Variants in P2RX7 observed in about 807,000 individuals in gnomAD.
P2RX7 encodes the protein P2X purinoceptor 7.
A neutral mutation model predicts 71.6 loss-of-function variants in P2RX7; 62 were observed. The ratio of observed to expected loss-of-function variants is 0.87; its 90% CI spans 0.71 to 1.07. The LOEUF (loss-of-function observed/expected upper bound fraction) is 1.07. Ranked by LOEUF, P2RX7 falls within the 50% of genes least tolerant of loss-of-function variation. The probability of loss-of-function intolerance (pLI) is 0.00; values close to 1 mark genes in which losing one functional copy is unlikely to be tolerated. For missense variants in P2RX7, 686 were observed against 748.5 expected, an observed-to-expected ratio of 0.92 and a Z score of 0.97; for synonymous variants, 299 against 283.3, an observed-to-expected ratio of 1.06 and a Z score of -0.56.
intron 12 of P2RX7, among the ~76,000 whole-genome samples, chr12:121,181,181 G>A (rs563308776): frequency 2.0e-5 from 3 of 152,208 alleles, no homozygotes; most frequent in South Asian, 2.1e-4. Flanking sequence ...GTATATACGC[G>A]GTTGAGTGTC....
intron 9 of P2RX7, among the ~76,000 whole-genome samples, chr12:121,176,200 G>A (rs1349824223): frequency 6.7e-6 from 1 of 148,222 alleles, no homozygotes. Flanking sequence ...CCAGGGGCCA[G>A]CAGAGAGGCC....
In P2RX7 at chr12:121,184,361, AC is replaced by A. The variant is rs765339358; in HGVS notation, c.1352del (p.Pro451ArgfsTer155). On this transcript the variant is annotated frameshift_variant, in exon 13 of 13. Transcript: ENST00000328963. LOFTEE classifies it high-confidence loss of function. Reference sequence around the variant, plus strand: ...GGCTGCCCCTGGCCCTCCATGACACACCCCCGATTCCTGGACAACCAGAGGA... The same window carrying A: ...GGCTGCCCCTGGCCCTCCATGACACACCCCGATTCCTGGACAACCAGAGGA... The part of the protein sequence containing the change: ...SRLPLALHDT[P>X]PIPGQPEEIQ... 5 of 1,613,782 alleles carry A rather than the reference AC, an allele frequency of 3.1e-6. No homozygotes were observed. The African/African-American group carries it at 6.7e-5, about 22-fold the overall frequency.
intron 1 of P2RX7, among the ~76,000 whole-genome samples, chr12:121,138,647 C>T (rs1004153589): frequency 6.6e-5 from 10 of 152,228 alleles, no homozygotes; most frequent in Non-Finnish European, 1.3e-4. Context: ...AATCGGTGAT[C>T]TATTACAAGG....
chr12:121,158,919 ACCTT>A (rs1470157345), intron 3 of P2RX7, among the ~76,000 whole-genome samples: 1 of 152,146 alleles, frequency 6.6e-6, no homozygotes, highest in African/African-American at 2.4e-5. Flanking sequence ...CAAAGATATG[ACCTT>A]GGCTCTGTAT....
chr12:121,169,556 C>T (rs1881758985), intron 8 of P2RX7, among the ~76,000 whole-genome samples: 2 of 152,106 alleles, frequency 1.3e-5, no homozygotes, highest in African/African-American at 4.8e-5. Context: ...GGCAGGCAGC[C>T]CCTTAAATGT....
chr12:121,184,336 G>T lies in P2RX7; in HGVS notation c.1322G>T (p.Arg441Met). The T allele has an allele frequency of 6.2e-7, 1 of 1,612,958 alleles. No individual in the cohort carries two copies. Among genetic ancestry groups the T allele is most frequent in the Non-Finnish European group, 8.5e-7 (1 of 1,179,340 alleles). ...GCGATGGACTTCACAGATTTGTCCA[G>T]GCTGCCCCTGGCCCTCCATGACACA... ...RPAMDFTDLSRLPLALHDTPP... is the reference protein window; with the variant it reads ...RPAMDFTDLSMLPLALHDTPP... Residue 441 changes from arginine to methionine, a missense_variant, in exon 13 of 13, where the codon AGG becomes ATG. Coordinates refer to ENST00000328963, the MANE Select transcript of P2RX7 (RefSeq NM_002562.6).
intron 1 of P2RX7, among the ~76,000 whole-genome samples, chr12:121,133,512 C>T (rs1016165473): frequency 2.6e-5 from 4 of 152,210 alleles, no homozygotes; most frequent in African/African-American, 9.7e-5. Flanking sequence ...TTTAGGTCCT[C>T]ACCAACGTCA....
intron 8 of P2RX7, 74 bp from the exon 9 acceptor site, chr12:121,175,310 CAAAA>C (rs370710698): frequency 2.0e-3 from 928 of 466,098 alleles, no homozygotes; most frequent in South Asian, 2.3e-3. Flanking sequence ...GACCCTGTCT[CAAAA>C]AAAAAAAAAA....
At chr12:121,157,956 A>G (rs1050749611) in intron 3 of P2RX7, among the ~76,000 whole-genome samples, 2 of 152,224 alleles carry the variant, frequency 1.3e-5, no homozygotes, top group African/African-American at 4.8e-5. Context: ...CTCAGATAGG[A>G]TGTCACTCAG....
At chr12:121,148,261 C>T (rs910485774) in intron 1 of P2RX7, among the ~76,000 whole-genome samples, 1 of 151,496 alleles carries the variant, frequency 6.6e-6, no homozygotes, top group African/African-American at 2.4e-5. Flanking sequence ...GTCACCCAGG[C>T]TGGAGTGCAA....
Position 121,150,353 on chromosome 12 carries a change from A to G in P2RX7, c.126-4432A>G, listed in dbSNP as rs143592954. ...GATCATATGTTGCACATTCTGGGAT[A>G]AATATGAGAGATCAGAATTGAGCTT... On this transcript the variant is annotated intron_variant, in intron 1 of 12. Coordinates refer to ENST00000328963, the MANE Select transcript of P2RX7 (RefSeq NM_002562.6). 2.6e-5 allele frequency among the ~76,000 whole-genome samples: 4 copies of G among 152,332 alleles called. No individual in the cohort carries two copies. In the East Asian group the frequency reaches 7.7e-4, roughly 29 times the overall value.
At chr12:121,142,808 G>A (rs1337270321) in intron 1 of P2RX7, among the ~76,000 whole-genome samples, 1 of 152,108 alleles carries the variant, frequency 6.6e-6, no homozygotes, top group African/African-American at 2.4e-5. Flanking sequence ...GTTAACTTTG[G>A]CCAGGTGCAG....
Position 121,165,404 on chromosome 12 carries a change from A to G in P2RX7, c.581A>G (p.Asn194Ser). ...SAENFTVLIK[N>S]NIDFPGHNYT... ...GAAAACTTCACTGTGCTCATCAAGAACAATATCGACTTCCCCGGCCACAAC... is the reference window on the plus strand; with the variant it reads ...GAAAACTTCACTGTGCTCATCAAGAGCAATATCGACTTCCCCGGCCACAAC... The change falls in exon 6 of 13, where the codon AAC (asparagine) becomes AGC (serine). Residue 194 changes from asparagine to serine, a missense_variant. Transcript: ENST00000328963. 1 of 1,614,130 alleles carries G rather than the reference A, an allele frequency of 6.2e-7. No homozygotes were observed. The highest frequency in any genetic ancestry group is 8.5e-7 in the Non-Finnish European group (1 of 1,179,992).
At chr12:121,142,987 A>G (rs1284944841) in intron 1 of P2RX7, among the ~76,000 whole-genome samples, 2 of 151,832 alleles carry the variant, frequency 1.3e-5, no homozygotes, top group East Asian at 3.9e-4. Flanking sequence ...AGACTGAGGC[A>G]AAAGAATCTC....
intron 12 of P2RX7, among the ~76,000 whole-genome samples, chr12:121,182,005 G>A (rs1019265368): frequency 7.3e-5 from 11 of 151,000 alleles, no homozygotes; most frequent in Non-Finnish European, 1.3e-4. Context: ...CAGAGGCTGC[G>A]GTTAGCTGAG....
Position 121,133,028 on chromosome 12 carries a change from C to G in P2RX7, c.58C>G (p.Arg20Gly). 6.2e-7 allele frequency: 1 copy of G among 1,614,006 alleles called. No individual in the cohort carries two copies. Among genetic ancestry groups the G allele is most frequent in the Non-Finnish European group, 8.5e-7 (1 of 1,179,966 alleles). ...VFQYETNKVT[R>G]IQSMNYGTIK... ...CCAGTATGAGACGAACAAAGTCACT[C>G]GGATCCAGAGCATGAATTATGGCAC... The change falls in exon 1 of 13, where the codon CGG (arginine) becomes GGG (glycine). Residue 20 changes from arginine to glycine, a missense_variant. Physicochemically the swap from Arg to Gly is moderately radical, Grantham distance 125. Coordinates refer to ENST00000328963, the MANE Select transcript of P2RX7 (RefSeq NM_002562.6).
chr12:121,148,977 T>C (rs1876841488), intron 1 of P2RX7: 2 of 473,226 alleles, frequency 4.2e-6, no homozygotes, highest in Admixed American at 4.9e-5. Flanking sequence ...GCTCAGCCCT[T>C]TGATGTTACC....
chr12:121,134,979 A>T (rs1323201806), intron 1 of P2RX7, among the ~76,000 whole-genome samples: 1 of 152,070 alleles, frequency 6.6e-6, no homozygotes, highest in African/African-American at 2.4e-5. Flanking sequence ...AAAAAAAGGC[A>T]TGAACAGCCC....
chr12:121,162,984 A>G (rs1324654455), intron 5 of P2RX7, among the ~76,000 whole-genome samples: 2 of 141,142 alleles, frequency 1.4e-5, no homozygotes, highest in African/African-American at 5.4e-5. Flanking sequence ...AGAGGGGGGG[A>G]AGGAAGTTTT....
Sources: gnomAD v4.1 joint callset for allele counts (sites outside exome capture counted in the v4.1 genomes callset) on GRCh38, gnomAD v4.1.1 for gene constraint, MANE v1.5 for transcripts, NCBI Gene and HGNC (gene_info 2026-07-23, HGNC 2026-07-21) for gene names.